PID1: variants seen among roughly 807,000 people sequenced by gnomAD.
The protein encoded by PID1 is phosphotyrosine interaction domain containing 1.
In PID1, 10 loss-of-function variants were observed where a neutral mutation model predicts 19.1. That is an observed-to-expected ratio of 0.52 (90% confidence interval 0.32 to 0.89). The LOEUF (loss-of-function observed/expected upper bound fraction) is 0.89. PID1 is among the 40% of genes least tolerant of loss of function. PID1 has a pLI of 0.03. For synonymous variants in PID1, 130 were observed against 116.0 expected (o/e 1.12, Z -0.78); for missense variants, 248 against 285.3 (o/e 0.87, Z 0.94).
chr2:229,140,891 T>C (rs1401273406), intron 2 of PID1, among the ~76,000 whole-genome samples: 1 of 152,142 alleles, frequency 6.6e-6, no homozygotes, highest in Non-Finnish European at 1.5e-5. Flanking sequence ...AGTGTTTCTT[T>C]TGTTTAAAGG....
intron 1 of PID1, among the ~76,000 whole-genome samples, chr2:229,163,646 AGAGAGTGT>A (rs1690534599): frequency 1.5e-5 from 2 of 136,900 alleles, no homozygotes; most frequent in African/African-American, 5.3e-5. Context: ...AGGGAGAGAG[AGAGAGTGT>A]GTGTGTGTGT....
chr2:229,025,633 C>A lies in PID1; in HGVS notation c.653G>T (p.Ter218LeuextTer20). Residue 218 changes from the stop codon to leucine (L), a stop_lost, in exon 3 of 3, where the codon TGA becomes TTA. Coordinates refer to ENST00000392055, the MANE Select transcript of PID1 (RefSeq NM_001100818.2). ...VSQELESDDG[*>L] ...TTTGCTGAAGCGTCTCAAGTTCATT[C>A]AGCCATCATCGGATTCCAATTCCTG... is the stretch of plus-strand genomic sequence containing the variant. 1 of 1,603,422 alleles carries A rather than the reference C, an allele frequency of 6.2e-7. No homozygotes were observed. Among genetic ancestry groups the A allele is most frequent in the Non-Finnish European group, 8.5e-7 (1 of 1,171,034 alleles).
chr2:229,152,507 C>G (rs1026504320), intron 2 of PID1, among the ~76,000 whole-genome samples: 1 of 152,082 alleles, frequency 6.6e-6, no homozygotes, highest in African/African-American at 2.4e-5. Context: ...CTGAAGCCAC[C>G]TAGGATTCCA....
intron 1 of PID1, among the ~76,000 whole-genome samples, chr2:229,158,939 G>A (rs572542852): frequency 6.6e-6 from 1 of 151,994 alleles, no homozygotes; most frequent in Non-Finnish European, 1.5e-5. Flanking sequence ...TGAAGGGTAG[G>A]GGGGAGCTGT....
intron 2 of PID1, among the ~76,000 whole-genome samples, chr2:229,065,971 T>A (rs1479463118): frequency 2.0e-5 from 3 of 152,174 alleles, no homozygotes; most frequent in Non-Finnish European, 4.4e-5. Context: ...TAGTATAATT[T>A]ATACTTCTTT....
intron 2 of PID1, among the ~76,000 whole-genome samples, chr2:229,098,556 TAA>T (rs1206102053): frequency 6.6e-6 from 1 of 152,172 alleles, no homozygotes; most frequent in East Asian, 1.9e-4. Context: ...TCTTTATGTT[TAA>T]AAAATAGTAG....
intron 1 of PID1, among the ~76,000 whole-genome samples, chr2:229,216,416 C>T (rs1327687874): frequency 6.6e-6 from 1 of 152,092 alleles, no homozygotes; most frequent in Admixed American, 6.5e-5. Flanking sequence ...CTTTCCAAAA[C>T]AGTGGGATGA....
chr2:229,140,814 T>C (rs993807077), intron 2 of PID1, among the ~76,000 whole-genome samples: 1 of 152,140 alleles, frequency 6.6e-6, no homozygotes, highest in Non-Finnish European at 1.5e-5. Flanking sequence ...TCTAAAAATA[T>C]ATATTTAATA....
chr2:229,122,548 C>T (rs1367546637), intron 2 of PID1, among the ~76,000 whole-genome samples: 1 of 152,084 alleles, frequency 6.6e-6, no homozygotes, highest in African/African-American at 2.4e-5. Context: ...ACCAAGACCA[C>T]ACCAAGGCAG....
chr2:229,181,365 C>G (rs1215452116), intron 1 of PID1, among the ~76,000 whole-genome samples: 1 of 150,824 alleles, frequency 6.6e-6, no homozygotes, highest in Non-Finnish European at 1.5e-5. Context: ...AAAAGGTGAA[C>G]AGCAGAAGTT....
At chr2:229,147,064 C>T (rs534629007) in intron 2 of PID1, among the ~76,000 whole-genome samples, 2 of 152,148 alleles carry the variant, frequency 1.3e-5, no homozygotes, top group Non-Finnish European at 2.9e-5. Context: ...TTCAGCAAAC[C>T]AGTATGTCAT....
At chr2:229,044,621 A>G (rs1200141082) in intron 2 of PID1, among the ~76,000 whole-genome samples, 2 of 152,196 alleles carry the variant, frequency 1.3e-5, no homozygotes, top group Non-Finnish European at 2.9e-5. Context: ...TCTACAATGG[A>G]CAATAATGAA....
At chr2:229,159,769 C>T (rs1195458218) in intron 1 of PID1, among the ~76,000 whole-genome samples, 1 of 152,078 alleles carries the variant, frequency 6.6e-6, no homozygotes, top group Non-Finnish European at 1.5e-5. Flanking sequence ...GAGTGTTTGA[C>T]TTGAATTTAA....
chr2:229,095,142 AAC>A (rs1191313707), intron 2 of PID1, among the ~76,000 whole-genome samples: 1 of 152,172 alleles, frequency 6.6e-6, no homozygotes, highest in African/African-American at 2.4e-5. Context: ...AAACCACACA[AAC>A]ACAGAGAGAC....
chr2:229,233,641 A>T (rs1692263801), intron 1 of PID1, among the ~76,000 whole-genome samples: 3 of 152,056 alleles, frequency 2.0e-5, no homozygotes, highest in African/African-American at 7.2e-5. Flanking sequence ...ACAGGCACCC[A>T]CCACCACGCC....
At chr2:229,242,408 C>A (rs1231898310) in intron 1 of PID1, among the ~76,000 whole-genome samples, 1 of 152,008 alleles carries the variant, frequency 6.6e-6, no homozygotes, top group Non-Finnish European at 1.5e-5. Flanking sequence ...ATTCTACACC[C>A]ACCCTATCCC....
chr2:229,180,855 C>A (rs1370451302), intron 1 of PID1, among the ~76,000 whole-genome samples: 1 of 152,220 alleles, frequency 6.6e-6, no homozygotes, highest in East Asian at 1.9e-4. Flanking sequence ...CATTGCCTGT[C>A]CCTTCGGAAC....
At chr2:229,261,422 G>A (rs1690458653) in intron 1 of PID1, among the ~76,000 whole-genome samples, 3 of 152,180 alleles carry the variant, frequency 2.0e-5, no homozygotes, top group Non-Finnish European at 4.4e-5. Flanking sequence ...ACTTGGAAAG[G>A]AAACAGCAGT....
chr2:229,164,730 A>G (rs1690564354), intron 1 of PID1, among the ~76,000 whole-genome samples: 2 of 152,170 alleles, frequency 1.3e-5, no homozygotes, highest in Non-Finnish European at 2.9e-5. Context: ...ATGAGGTAAG[A>G]TGTACACCTG....
Sources: gnomAD v4.1 joint callset for allele counts (sites outside exome capture counted in the v4.1 genomes callset) on GRCh38, gnomAD v4.1.1 for gene constraint, MANE v1.5 for transcripts, NCBI Gene and HGNC (gene_info 2026-07-23, HGNC 2026-07-21) for gene names.